SLIT3: variants seen among roughly 807,000 people sequenced by gnomAD.
The protein encoded by SLIT3 is slit homolog 3 protein.
In SLIT3, 68 loss-of-function variants were observed where a neutral mutation model predicts 184.0. The ratio of observed to expected loss-of-function variants is 0.37; its 90% CI spans 0.30 to 0.45. The LOEUF (loss-of-function observed/expected upper bound fraction) is 0.45. Ranked by LOEUF, SLIT3 falls within the 20% of genes least tolerant of loss-of-function variation. The pLI is 1.00. For missense variants in SLIT3, 1,707 were observed against 2,026.0 expected, an observed-to-expected ratio of 0.84 and a Z score of 3.02; for synonymous variants, 831 against 828.6, an observed-to-expected ratio of 1.00 and a Z score of -0.05.
chr5:168,861,387 C>T (rs1030675060), intron 5 of SLIT3, among the ~76,000 whole-genome samples: 11 of 150,874 alleles, frequency 7.3e-5, no homozygotes, highest in East Asian at 5.9e-4. Context: ...CATGCGTGTC[C>T]GTCCCCAACC....
chr5:168,718,973 A>T (rs1762851186), intron 23 of SLIT3, among the ~76,000 whole-genome samples: 1 of 152,234 alleles, frequency 6.6e-6, no homozygotes, highest in Non-Finnish European at 1.5e-5. Flanking sequence ...AGATAATGTA[A>T]TTCCTGATTT....
chr5:169,119,456 C>T (rs140396933), intron 4 of SLIT3, among the ~76,000 whole-genome samples: 2 of 152,166 alleles, frequency 1.3e-5, no homozygotes, highest in Non-Finnish European at 2.9e-5. Flanking sequence ...ATTAACCCAG[C>T]AGGAAGGACT....
At chr5:168,673,472 G>T in intron 32 of SLIT3, 141 bp from the exon 33 acceptor site, 2 of 803,996 alleles carry the variant, frequency 2.5e-6, no homozygotes, top group Non-Finnish European at 3.8e-6. Context: ...TACATAAGTT[G>T]CAAAAATAAA....
At chr5:169,131,367 C>T (rs1761289237) in intron 4 of SLIT3, among the ~76,000 whole-genome samples, 1 of 152,156 alleles carries the variant, frequency 6.6e-6, no homozygotes. Flanking sequence ...AGCCAGACCA[C>T]CTACTGAATT....
chr5:168,897,203 G>A (rs1245408493), intron 4 of SLIT3, among the ~76,000 whole-genome samples: 5 of 152,172 alleles, frequency 3.3e-5, no homozygotes, highest in African/African-American at 7.2e-5. Context: ...CCCTGGGAGC[G>A]GACAAGTGGG....
intron 4 of SLIT3, among the ~76,000 whole-genome samples, chr5:169,049,661 G>C (rs1040120316): frequency 6.6e-6 from 1 of 152,170 alleles, no homozygotes; most frequent in Admixed American, 6.5e-5. Context: ...CAGGATGCCG[G>C]GCGGCTTCTA....
chr5:168,922,232 T>C (rs553697304), intron 4 of SLIT3, among the ~76,000 whole-genome samples: 1 of 151,692 alleles, frequency 6.6e-6, no homozygotes, highest in Admixed American at 6.6e-5. Flanking sequence ...CTGAGGCAGG[T>C]GGATCATGAG....
intron 12 of SLIT3, among the ~76,000 whole-genome samples, chr5:168,775,427 T>G (rs1207111501): frequency 6.6e-6 from 1 of 152,164 alleles, no homozygotes; most frequent in Non-Finnish European, 1.5e-5. Context: ...GGCTGCCTTC[T>G]TTTCCTGCTT....
chr5:168,764,738 C>A (rs1755276564), intron 14 of SLIT3, among the ~76,000 whole-genome samples: 1 of 152,164 alleles, frequency 6.6e-6, no homozygotes. Flanking sequence ...TCCATTTCCG[C>A]TCCTCCATCT....
At chr5:169,258,259 T>C (rs930446018) in intron 1 of SLIT3, among the ~76,000 whole-genome samples, 4 of 152,206 alleles carry the variant, frequency 2.6e-5, no homozygotes, top group Admixed American at 6.5e-5. Context: ...AGCATTTTTT[T>C]TATACTGCAT....
At chr5:168,681,265 T>C (rs1447848923) in intron 32 of SLIT3, among the ~76,000 whole-genome samples, 1 of 152,218 alleles carries the variant, frequency 6.6e-6, no homozygotes, top group Non-Finnish European at 1.5e-5. Flanking sequence ...CTTGTTGATA[T>C]GTGTGTCTTC....
chr5:169,080,817 C>G (rs1759004909), intron 4 of SLIT3, among the ~76,000 whole-genome samples: 1 of 152,088 alleles, frequency 6.6e-6, no homozygotes, highest in Non-Finnish European at 1.5e-5. Flanking sequence ...GATACCCAGG[C>G]AATTTAAAAG....
chr5:168,904,672 T>G (rs960663773), intron 4 of SLIT3, among the ~76,000 whole-genome samples: 2 of 152,124 alleles, frequency 1.3e-5, no homozygotes, highest in African/African-American at 4.8e-5. Context: ...GAAGGTGAAC[T>G]GCTATGGAGA....
rs973467103 is a variant in SLIT3, at chr5:168,924,727, G to C, written c.414-41391C>G. Among the ~76,000 whole-genome samples the C allele has an allele frequency of 3.9e-5, 6 of 152,090 alleles. 1 individual carries two copies. The highest frequency in any genetic ancestry group is 1.4e-4 in the African/African-American group (6 of 41,410). On this transcript the variant is annotated intron_variant, in intron 4 of 35. Transcript: ENST00000519560. ...GGGGTTTTGCCATGTTGCCCAGGCTGGTCTTGAACTTCTGAGCTCAAGCAA... is the reference window on the plus strand; with the variant it reads ...GGGGTTTTGCCATGTTGCCCAGGCTCGTCTTGAACTTCTGAGCTCAAGCAA...
At chr5:168,845,436 A>C (rs1444395342) in intron 5 of SLIT3, among the ~76,000 whole-genome samples, 3 of 152,198 alleles carry the variant, frequency 2.0e-5, no homozygotes, top group African/African-American at 7.2e-5. Context: ...TGCCTTAAAG[A>C]TGCACCACTT....
At chr5:169,022,872 C>T (rs1756655842) in intron 4 of SLIT3, 1 of 151,936 alleles carries the variant, frequency 6.6e-6, no homozygotes, top group Non-Finnish European at 1.5e-5. Context: ...TTAAGTACAC[C>T]CAAAAAGGAC....
chr5:168,997,980 C>G (rs1755572003), intron 4 of SLIT3, among the ~76,000 whole-genome samples: 1 of 152,092 alleles, frequency 6.6e-6, no homozygotes, highest in African/African-American at 2.4e-5. Flanking sequence ...TCTACCCGCC[C>G]CATGCCCTCT....
chr5:169,249,826 G>C (rs976156557), intron 2 of SLIT3, among the ~76,000 whole-genome samples: 2 of 152,190 alleles, frequency 1.3e-5, no homozygotes, highest in Admixed American at 1.3e-4. Flanking sequence ...CTTGGCACAG[G>C]GTGTGCCTTC....
chr5:168,913,166 AT>A (rs1371545098), intron 4 of SLIT3, among the ~76,000 whole-genome samples: 1 of 151,574 alleles, frequency 6.6e-6, no homozygotes, highest in Non-Finnish European at 1.5e-5. Flanking sequence ...TGCAAAACTA[AT>A]TGCAGTTTTT....
Sources: allele counts gnomAD v4.1 joint callset (sites outside exome capture counted in the v4.1 genomes callset), GRCh38; gene constraint gnomAD v4.1.1; transcripts MANE v1.5; gene names NCBI Gene and HGNC (gene_info 2026-07-23, HGNC 2026-07-21).